PPARGC1A: variants seen among roughly 807,000 people sequenced by gnomAD.
PPARGC1A encodes the protein peroxisome proliferator-activated receptor gamma coactivator 1-alpha.
A neutral mutation model predicts 88.7 loss-of-function variants in PPARGC1A; 25 were observed. The ratio of observed to expected loss-of-function variants is 0.28; its 90% CI spans 0.21 to 0.39. The LOEUF (loss-of-function observed/expected upper bound fraction) is 0.39, where lower values mean the gene tolerates loss of function less well. PPARGC1A is among the 10% of genes least tolerant of loss of function. PPARGC1A has a pLI of 1.00. For synonymous variants in PPARGC1A, 363 were observed against 355.6 expected, an observed-to-expected ratio of 1.02 and a Z score of -0.24; for missense variants, 880 against 968.7, an observed-to-expected ratio of 0.91 and a Z score of 1.22.
At chr4:24,103,595 C>CAAAAAAAAAAAAAAAAAAAAAAA in the PPARGC1A span, among the ~76,000 whole-genome samples, 8 of 121,580 alleles carry the variant, frequency 6.6e-5, no homozygotes, top group East Asian at 1.8e-3. Flanking sequence ...TGCCTTCTTC[C>CAAAAAAAAAAAAAAAAAAAAAAA]AAAAAAAAAA....
the PPARGC1A span, among the ~76,000 whole-genome samples, chr4:24,304,955 C>T: frequency 2.6e-5 from 4 of 152,018 alleles, no homozygotes; most frequent in East Asian, 1.9e-4. Context: ...GCAAACCCCG[C>T]GCCAGGTATG....
chr4:23,932,041 T>C, the PPARGC1A span, among the ~76,000 whole-genome samples: 1 of 152,220 alleles, frequency 6.6e-6, no homozygotes, highest in Non-Finnish European at 1.5e-5. Flanking sequence ...TACAGTAATT[T>C]GTAACAGGAG....
At chr4:23,825,199 G>A (rs558091497) in intron 5 of PPARGC1A, 2 of 152,146 alleles carry the variant, frequency 1.3e-5, no homozygotes, top group Admixed American at 6.5e-5. Flanking sequence ...ATAATGAAGG[G>A]TGGATTAAGA....
the PPARGC1A span, among the ~76,000 whole-genome samples, chr4:24,077,441 T>C: frequency 7.9e-5 from 12 of 152,256 alleles, no homozygotes; most frequent in South Asian, 8.3e-4. Flanking sequence ...TGGCAGAATA[T>C]TGATTTCGAG....
At chr4:24,451,930 G>A in the PPARGC1A span, among the ~76,000 whole-genome samples, 2 of 152,248 alleles carry the variant, frequency 1.3e-5, no homozygotes, top group South Asian at 4.1e-4. Flanking sequence ...CAGATATTTG[G>A]TCAAACATTA....
At chr4:24,459,864 C>G in the PPARGC1A span, among the ~76,000 whole-genome samples, 1 of 152,154 alleles carries the variant, frequency 6.6e-6, no homozygotes, top group Non-Finnish European at 1.5e-5. Flanking sequence ...TAACTAATAA[C>G]AACAATTAGC....
the PPARGC1A span, among the ~76,000 whole-genome samples, chr4:24,075,050 G>C: frequency 4.0e-4 from 61 of 152,262 alleles, no homozygotes; most frequent in Middle Eastern, 0.01. Context: ...CTGAGTGATA[G>C]ACAGAAGTGC....
the PPARGC1A span, among the ~76,000 whole-genome samples, chr4:24,296,106 GTACATATA>G: frequency 2.0e-5 from 3 of 149,624 alleles, no homozygotes; most frequent in South Asian, 2.1e-4. Context: ...ACATATATAT[GTACATATA>G]TACATATATA....
chr4:23,883,532 T>C (rs1014588468), intron 2 of PPARGC1A: 1 of 152,224 alleles, frequency 6.6e-6, no homozygotes, highest in Non-Finnish European at 1.5e-5. Context: ...GTCTTTATTG[T>C]CAACTGTGTG....
At chr4:24,018,392 A>T in the PPARGC1A span, among the ~76,000 whole-genome samples, 1 of 152,188 alleles carries the variant, frequency 6.6e-6, no homozygotes, top group African/African-American at 2.4e-5. Context: ...TTTGAAAATG[A>T]CAACTAGTCT....
the PPARGC1A span, among the ~76,000 whole-genome samples, chr4:24,300,420 G>A: frequency 2.4e-4 from 31 of 131,564 alleles, no homozygotes; most frequent in Middle Eastern, 5.4e-3. Flanking sequence ...ATATGTGCCC[G>A]GAAGATGAAG....
the PPARGC1A span, among the ~76,000 whole-genome samples, chr4:24,268,569 G>T: frequency 6.6e-6 from 1 of 152,096 alleles, no homozygotes; most frequent in Non-Finnish European, 1.5e-5. Flanking sequence ...TGTTTAAAGC[G>T]TTTCTATGGC....
chr4:24,121,879 C>T, the PPARGC1A span, among the ~76,000 whole-genome samples: 179 of 152,274 alleles, frequency 1.2e-3, no homozygotes, highest in East Asian at 0.019. Flanking sequence ...CAGAGGAGAA[C>T]AATCTGATTT....
the PPARGC1A span, among the ~76,000 whole-genome samples, chr4:24,370,440 A>T: frequency 1.3e-5 from 2 of 152,214 alleles, no homozygotes; most frequent in Admixed American, 1.3e-4. Flanking sequence ...CATACAAATA[A>T]CACAAAAAAA....
the PPARGC1A span, among the ~76,000 whole-genome samples, chr4:24,432,474 T>C: frequency 6.6e-6 from 1 of 152,158 alleles, no homozygotes; most frequent in Non-Finnish European, 1.5e-5. Flanking sequence ...GCAAATCAGA[T>C]AGACTGACTT....
the PPARGC1A span, among the ~76,000 whole-genome samples, chr4:23,967,897 G>A: frequency 7.9e-5 from 12 of 152,274 alleles, no homozygotes; most frequent in East Asian, 2.3e-3. Flanking sequence ...TAGAGGTGGG[G>A]AATAGTGTAT....
At chr4:24,466,645 T>C in the PPARGC1A span, among the ~76,000 whole-genome samples, 86 of 151,984 alleles carry the variant, frequency 5.7e-4, no homozygotes, top group Non-Finnish European at 5.4e-4. Flanking sequence ...AATTACCAAG[T>C]TTAAGGTTTA....
the PPARGC1A span, among the ~76,000 whole-genome samples, chr4:24,395,451 A>C: frequency 6.6e-6 from 1 of 152,200 alleles, no homozygotes; most frequent in African/African-American, 2.4e-5. Context: ...GTTGGGGTCC[A>C]TATGGTTGGA....
At chr4:24,416,012 T>G in the PPARGC1A span, among the ~76,000 whole-genome samples, 1 of 152,172 alleles carries the variant, frequency 6.6e-6, no homozygotes, top group Non-Finnish European at 1.5e-5. Flanking sequence ...TCGTGATTAA[T>G]TTTTTAAAAA....
Sources: gnomAD v4.1 joint callset for allele counts (sites outside exome capture counted in the v4.1 genomes callset) on GRCh38, gnomAD v4.1.1 for gene constraint, MANE v1.5 for transcripts, NCBI Gene and HGNC (gene_info 2026-07-23, HGNC 2026-07-21) for gene names.